The following MYBPC3 variants were observed in gnomAD, a reference collection of about 807,000 sequenced individuals.
The protein encoded by MYBPC3 is myosin-binding protein C, cardiac-type.
In MYBPC3, 108 loss-of-function variants were observed where a neutral mutation model predicts 159.3. That is an observed-to-expected ratio of 0.68 (90% confidence interval 0.58 to 0.80). The LOEUF (loss-of-function observed/expected upper bound fraction) is 0.80, where lower values mean the gene tolerates loss of function less well. Among genes scored for constraint, MYBPC3 ranks in the 30% least tolerant of loss-of-function variants. The pLI, the probability that MYBPC3 is intolerant of heterozygous loss-of-function variation, is 0.00. For missense variants in MYBPC3, 1,631 were observed against 1,762.1 expected (o/e 0.93, Z 1.33); for synonymous variants, 730 against 702.0 (o/e 1.04, Z -0.63).
At position 47,346,750 on chromosome 11, in the gene MYBPC3, A is replaced by G; in HGVS notation, c.909-106T>C. Reference sequence around the variant, plus strand: ...ACCCATGGGCCTTTACTTCCTCCCTATTTTCCGCACTTGCACTCCCTGTGT... The same window carrying G: ...ACCCATGGGCCTTTACTTCCTCCCTGTTTTCCGCACTTGCACTCCCTGTGT... On this transcript the variant is annotated intron_variant, in intron 10 of 34. Coordinates refer to ENST00000545968, the MANE Select transcript of MYBPC3 (RefSeq NM_000256.3). The surrounding 1 kb of genome is among the most constrained non-coding windows in gnomAD (Gnocchi z 5.3). 1 of 1,254,400 alleles carries G rather than the reference A, an allele frequency of 8.0e-7. No individual in the cohort carries two copies. The highest frequency in any genetic ancestry group is 1.1e-6 in the Non-Finnish European group (1 of 910,258). 77.7% of individuals were successfully genotyped at this position (1,254,400 alleles called of 1,614,324 possible). A position where few individuals can be genotyped will look rare whatever the true frequency, so the allele number is the denominator to read the frequency against.
Position 47,337,731 on chromosome 11 carries a change from T to A in MYBPC3, c.2372A>T (p.Gln791Leu). 6.4e-7 allele frequency: 1 copy of A among 1,563,540 alleles called. No homozygotes were observed. The highest frequency in any genetic ancestry group is 8.7e-7 in the Non-Finnish European group (1 of 1,153,960). Residue 791 changes from glutamine to leucine, a missense_variant, in exon 24 of 35, where the codon CAG becomes CTG. Transcript: ENST00000545968. ...SNVGEDSCTV[Q>L]WEPPAYDGGQ... The stretch of plus-strand genomic sequence containing the variant: ...GCCATCGTAGGCAGGCGGCTCCCAC[T>A]GTACTGTGCAGGAGTCCTCTCCCAC...
chr11:47,332,970 A>T lies in MYBPC3; in HGVS notation c.3334T>A (p.Trp1112Arg). The T allele has an allele frequency of 6.2e-7, 1 of 1,607,682 alleles. No homozygotes were observed. Among genetic ancestry groups the T allele is most frequent in the Non-Finnish European group, 8.5e-7 (1 of 1,177,238 alleles). The change falls in exon 31 of 35, where the codon TGG (tryptophan) becomes AGG (arginine). Residue 1112 changes from tryptophan (W) to arginine (R), a missense_variant. By Grantham distance (101) the Trp-to-Arg change is moderately radical. Transcript: ENST00000545968. The surrounding 1 kb of genome is among the most constrained non-coding windows in gnomAD (Gnocchi z 4.2). The part of the protein sequence containing the change: ...VQKADKKTME[W>R]FTVLEHYRRT... ...CGGTAATGCTCCAAGACGGTGAACC[A>T]CTCCTGGGGGCAGGGAGGGAGGGGA...
intron 3 of MYBPC3, 83 bp from the exon 4 acceptor site, chr11:47,350,195 C>T (rs2095899198): frequency 2.8e-6 from 4 of 1,420,602 alleles, no homozygotes; most frequent in Non-Finnish European, 3.9e-6. Context: ...ACAATCTCGG[C>T]TCACTGCAAG....
chr11:47,335,323 TTTTA>T, intron 26 of MYBPC3, 114 bp from the exon 27 acceptor site: 1 of 881,852 alleles, frequency 1.1e-6, no homozygotes, highest in Non-Finnish European at 1.6e-6. Context: ...TTTTTTAAAT[TTTTA>T]TTTGTTTATT....
rs367992212 is a variant in MYBPC3 at position 47,339,662 on chromosome 11, C to G, written c.2056G>C (p.Ala686Pro). The G allele has an allele frequency of 2.2e-5, 36 of 1,603,030 alleles. No individual in the cohort carries two copies. The highest frequency in any genetic ancestry group is 2.8e-5 in the Non-Finnish European group (33 of 1,174,064). Residue 686 changes from alanine (A) to proline (P), a missense_variant, in exon 21 of 35, where the codon GCT becomes CCT. Transcript: ENST00000545968. ...GGGACCCACAGTACCTGCGTGATAG[C>G]CTTCTGCCAGATCACAGTGGGAGCA... ...DPAPTVIWQKAITQGNKAPAR... is the reference protein window; with the variant it reads ...DPAPTVIWQKPITQGNKAPAR...
In MYBPC3 at chr11:47,343,533, G is replaced by C. The variant is rs730880636; in HGVS notation, c.1182C>G (p.Val394=). The change falls in exon 13 of 35, where the codon GTC becomes GTG. Residue 394 remains valine (V), a synonymous_variant. Transcript: ENST00000545968. ...TVELADHDAE[V]KWLKNGQEIQ... ...TCTCCTGGCCATTCTTGAGCCATTT[G>C]ACCTCAGCGTCATGGTCAGCCAGTT... is the stretch of plus-strand genomic sequence containing the variant. The C allele has an allele frequency of 6.6e-7, 1 of 1,504,782 alleles. No homozygotes were observed. The highest frequency in any genetic ancestry group is 9.0e-7 in the Non-Finnish European group (1 of 1,114,948). 93.2% of individuals were successfully genotyped at this position (1,504,782 alleles called of 1,614,324 possible). A position where few individuals can be genotyped will look rare whatever the true frequency, so the allele number is the denominator to read the frequency against.
chr11:47,332,885 A>G lies in MYBPC3; in HGVS notation c.3419T>C (p.Phe1140Ser). 6.2e-7 allele frequency: 1 copy of G among 1,607,698 alleles called. No individual in the cohort carries two copies. The highest frequency in any genetic ancestry group is 8.5e-7 in the Non-Finnish European group (1 of 1,177,388). ...IIGNGYYFRV[F>S]SQNMVGFSDR... ...ACTAAAGCCAACCATATTCTGGCTG[A>G]AGACGCGGAAGTAGTAGCCATTGCC... The change falls in exon 31 of 35, where the codon TTC (phenylalanine) becomes TCC (serine). Residue 1140 changes from phenylalanine to serine, a missense_variant. Coordinates refer to ENST00000545968, the MANE Select transcript of MYBPC3 (RefSeq NM_000256.3). This position sits in a 1 kb window ranked among gnomAD's most constrained non-coding sequence, Gnocchi z 4.2.
rs1276872792 is a variant in MYBPC3 at position 47,331,655 on chromosome 11, T to C, written c.*88A>G. On this transcript the variant is annotated 3_prime_UTR_variant, in exon 35 of 35. Coordinates refer to ENST00000545968, the MANE Select transcript of MYBPC3 (RefSeq NM_000256.3). ...CACTTGTCACACATACATCCAACAG[T>C]AGGGAGGGGTTTCCCCAACTTCCCT... 3 of 604,516 alleles carry C rather than the reference T, an allele frequency of 5.0e-6. No homozygotes were observed. The highest frequency in any genetic ancestry group is 8.7e-6 in the Non-Finnish European group (3 of 345,454). The allele number at this position is 604,516 out of a possible 1,614,324, so 37.4% of individuals were successfully genotyped here.
In MYBPC3 at chr11:47,335,913, G is replaced by GGCCTCCTGCTCCCAC. The variant is rs1315994846; in HGVS notation, c.2686_2700dup (p.Val896_Gly900dup). ...CAGTACTCCACGCTGTAGCCATCCA[G>GGCCTCCTGCTCCCAC]GCCTCCTGCTCCCACGCGCTCTGGG... On this transcript the variant is annotated inframe_insertion, in exon 26 of 35. Transcript: ENST00000545968. 6.5e-7 allele frequency: 1 copy of GGCCTCCTGCTCCCAC among 1,545,646 alleles called. No individual in the cohort carries two copies.
rs190228518 is a variant in MYBPC3 at position 47,343,070 on chromosome 11, G to A, written c.1302C>T (p.Tyr434=). The part of the protein sequence containing the change: ...SQCSLADDAA[Y]QCVVGGEKCS... Reference sequence around the variant, plus strand: ...ACTTCTCGCCACCCACCACGCACTGGTAGGCTGCGTCGTCCGCCAATGAGC... The same window carrying A: ...ACTTCTCGCCACCCACCACGCACTGATAGGCTGCGTCGTCCGCCAATGAGC... Residue 434 remains tyrosine, a synonymous_variant, in exon 15 of 35, where the codon TAC becomes TAT. Coordinates refer to ENST00000545968, the MANE Select transcript of MYBPC3 (RefSeq NM_000256.3). The A allele has an allele frequency of 2.1e-5, 34 of 1,612,576 alleles. No individual in the cohort carries two copies. In the East Asian group the frequency reaches 7.1e-4, roughly 34 times the overall value.
Position 47,339,240 on chromosome 11 carries a change from G to C in MYBPC3, c.2148+84C>G, listed in dbSNP as rs2095885765. ...CCCGGCCAAGTGTGGCACCTCCATG[G>C]AGACCTCGCCAAGGGCTCGGCACCA... On this transcript the variant is annotated intron_variant, in intron 22 of 34. Transcript: ENST00000545968. 8 of 1,473,316 alleles carry C rather than the reference G, an allele frequency of 5.4e-6. No individual in the cohort carries two copies. The South Asian group carries it at 9.1e-5, about 17-fold the overall frequency. The allele number at this position is 1,473,316 out of a possible 1,614,324, so 91.3% of individuals were successfully genotyped here. A position where few individuals can be genotyped will look rare whatever the true frequency, so the allele number is the denominator to read the frequency against.
rs776927697 is a variant in MYBPC3, at chr11:47,332,073, T to C, written c.3813A>G (p.Arg1271=). 1 of 1,608,014 alleles carries C rather than the reference T, an allele frequency of 6.2e-7. No individual in the cohort carries two copies. The highest frequency in any genetic ancestry group is 8.5e-7 in the Non-Finnish European group (1 of 1,175,944). The change falls in exon 33 of 35, where the codon CGA becomes CGG. Residue 1271 remains arginine, a splice_region_variant and synonymous_variant. Coordinates refer to ENST00000545968, the MANE Select transcript of MYBPC3 (RefSeq NM_000256.3). This position sits in a 1 kb window ranked among gnomAD's most constrained non-coding sequence, Gnocchi z 4.2. ...EARCECRLEV[R]VPQ The stretch of plus-strand genomic sequence containing the variant: ...GCCCTGGCCCCGAGGGCTCCTCACC[T>C]CGCACCTCCAGGCGGCACTCACACC...
chr11:47,342,488 A>T (rs1595846085), intron 17 of MYBPC3, 90 bp downstream of exon 17: 1 of 1,410,672 alleles, frequency 7.1e-7, no homozygotes, highest in East Asian at 2.5e-5. Context: ...CCTTGAGCCC[A>T]GGTTTGCCTG....
chr11:47,348,484 G>A lies in MYBPC3; in HGVS notation c.712C>T (p.Arg238Cys), dbSNP rs771143409. Residue 238 changes from arginine to cysteine, a missense_variant, in exon 6 of 35, where the codon CGC becomes TGC. Coordinates refer to ENST00000545968, the MANE Select transcript of MYBPC3 (RefSeq NM_000256.3). Reference protein sequence around the residue: ...DAQPAFTGSYRCEVSTKDKFD... With the variant: ...DAQPAFTGSYCCEVSTKDKFD... ...TTGTCCTTGGTGGACACCTCACAGC[G>A]GTAGCTGCCAGTGAAGGCAGGCTGG... 6.2e-6 allele frequency: 10 copies of A among 1,613,502 alleles called. No homozygotes were observed. The highest frequency in any genetic ancestry group is 2.2e-5 in the East Asian group (1 of 44,852).
At chr11:47,337,144 T>C (rs1260720996) in intron 25 of MYBPC3, among the ~76,000 whole-genome samples, 1 of 152,120 alleles carries the variant, frequency 6.6e-6, no homozygotes, top group African/African-American at 2.4e-5. Flanking sequence ...GCTTGAAACG[T>C]GAACTAGGGG....
Position 47,338,438 on chromosome 11 carries a change from G to A in MYBPC3, c.2308+82C>T, listed in dbSNP as rs1417600186. ...AGGGAGCATGCCCGTGATGTTTGTC[G>A]AGTGGCTGAATGAGCGAACGGATGG... On this transcript the variant is annotated intron_variant, in intron 23 of 34. Coordinates refer to ENST00000545968, the MANE Select transcript of MYBPC3 (RefSeq NM_000256.3). The surrounding 1 kb of genome is among the most constrained non-coding windows in gnomAD (Gnocchi z 4.7). 4.4e-6 allele frequency: 7 copies of A among 1,583,782 alleles called. No homozygotes were observed. The highest frequency in any genetic ancestry group is 1.7e-4 in the Middle Eastern group (1 of 5,986).
intron 12 of MYBPC3, among the ~76,000 whole-genome samples, chr11:47,345,657 G>A (rs1595847560): frequency 6.6e-6 from 1 of 152,224 alleles, no homozygotes; most frequent in South Asian, 2.1e-4. Context: ...GCTATTCCTG[G>A]GCTCTCCTCT....
At position 47,340,992 on chromosome 11, in the gene MYBPC3, C is replaced by T. The variant is rs1273219296; in HGVS notation, c.1927+11G>A. ...TGAGCAGAACCAAGACTCAGGGGCC[C>T]CAAGACTTACCCTGCCTGGGTACGA... On this transcript the variant is annotated intron_variant, in intron 20 of 34. Coordinates refer to ENST00000545968, the MANE Select transcript of MYBPC3 (RefSeq NM_000256.3). The T allele has an allele frequency of 1.9e-6, 3 of 1,558,500 alleles. No homozygotes were observed. Among genetic ancestry groups the T allele is most frequent in the South Asian group, 1.2e-5 (1 of 83,200 alleles).
Position 47,341,975 on chromosome 11 carries a change from T to G in MYBPC3, c.1790+16A>C. 5.1e-6 allele frequency: 8 copies of G among 1,553,712 alleles called. No homozygotes were observed. The highest frequency in any genetic ancestry group is 7.0e-6 in the Non-Finnish European group (8 of 1,147,766). Reference sequence around the variant, plus strand: ...TCAGTCTCCACCTGTCCCATCCACCTGCCCTGCACACTCACCGCCCGATGT... The same window carrying G: ...TCAGTCTCCACCTGTCCCATCCACCGGCCCTGCACACTCACCGCCCGATGT... On this transcript the variant is annotated intron_variant, in intron 18 of 34. Transcript: ENST00000545968.
Sources: allele counts gnomAD v4.1 joint callset (sites outside exome capture counted in the v4.1 genomes callset), GRCh38; gene constraint gnomAD v4.1.1; non-coding constraint Gnocchi (gnomAD v3.1); transcripts MANE v1.5; gene names NCBI Gene and HGNC (gene_info 2026-07-23, HGNC 2026-07-21).